SLAMF6: variants seen among roughly 807,000 people sequenced by gnomAD.
SLAMF6 encodes the protein NK-T-B-antigen.
In SLAMF6, 21 loss-of-function variants were observed where a neutral mutation model predicts 38.3. That is an observed-to-expected ratio of 0.55 (90% CI 0.39 to 0.79). The LOEUF (loss-of-function observed/expected upper bound fraction) is 0.79. SLAMF6 is among the 30% of genes least tolerant of loss of function. The pLI is 0.00. For synonymous variants in SLAMF6, 152 were observed against 146.3 expected (o/e 1.04, Z -0.28); for missense variants, 341 against 385.3 (o/e 0.89, Z 0.96).
intron 1 of SLAMF6, among the ~76,000 whole-genome samples, chr1:160,510,933 C>T (rs971991812): frequency 1.3e-5 from 2 of 152,144 alleles, no homozygotes; most frequent in Admixed American, 6.5e-5. Context: ...TGTTCCTACA[C>T]ACTAGCAATG....
At chr1:160,501,276 GAGCCTGACAGGTAA>G (rs1207144601) in intron 1 of SLAMF6, among the ~76,000 whole-genome samples, 1 of 152,160 alleles carries the variant, frequency 6.6e-6, no homozygotes, top group Non-Finnish European at 1.5e-5. Flanking sequence ...TCTGATAGAG[GAGCCTGACAGGTAA>G]ATGAGTAGTT....
At chr1:160,491,999 A>C (rs779410024) in intron 2 of SLAMF6, among the ~76,000 whole-genome samples, 9 of 152,154 alleles carry the variant, frequency 5.9e-5, no homozygotes, top group South Asian at 2.1e-4. Context: ...AGAACCAAAG[A>C]AGTGGGGAAG....
chr1:160,490,520 ACT>A, intron 4 of SLAMF6, 53 bp downstream of exon 4: 1 of 1,588,644 alleles, frequency 6.3e-7, no homozygotes, highest in South Asian at 1.2e-5. Context: ...GAGGCCCCAA[ACT>A]CTCAATCACT....
chr1:160,504,473 C>T (rs1654077153), intron 1 of SLAMF6, among the ~76,000 whole-genome samples: 1 of 152,130 alleles, frequency 6.6e-6, no homozygotes, highest in Non-Finnish European at 1.5e-5. Flanking sequence ...TGATAGCAGT[C>T]TTGAAGACAG....
At chr1:160,511,875 G>A (rs1239254522) in intron 1 of SLAMF6, among the ~76,000 whole-genome samples, 2 of 152,148 alleles carry the variant, frequency 1.3e-5, no homozygotes, top group Non-Finnish European at 2.9e-5. Flanking sequence ...AAAACAGGGT[G>A]GAACAACAGC....
intron 2 of SLAMF6, among the ~76,000 whole-genome samples, chr1:160,492,712 C>T (rs1318562123): frequency 6.6e-6 from 1 of 152,108 alleles, no homozygotes; most frequent in Non-Finnish European, 1.5e-5. Context: ...TTTTTCTCTC[C>T]CAAACCTTCT....
chr1:160,507,685 A>G (rs1270619930), intron 1 of SLAMF6, among the ~76,000 whole-genome samples: 2 of 152,164 alleles, frequency 1.3e-5, no homozygotes, highest in African/African-American at 4.8e-5. Context: ...TAAATATATG[A>G]TGTCTTCTAT....
At chr1:160,516,391 A>T (rs1461546129) in intron 1 of SLAMF6, among the ~76,000 whole-genome samples, 1 of 152,240 alleles carries the variant, frequency 6.6e-6, no homozygotes, top group Non-Finnish European at 1.5e-5. Flanking sequence ...GTGCTCATGG[A>T]TAGGAAGAAT....
intron 1 of SLAMF6, among the ~76,000 whole-genome samples, chr1:160,520,495 A>G (rs1268736800): frequency 6.6e-6 from 1 of 152,204 alleles, no homozygotes; most frequent in Non-Finnish European, 1.5e-5. Flanking sequence ...CAGCATTTTA[A>G]TAAGATTCCC....
intron 6 of SLAMF6, among the ~76,000 whole-genome samples, chr1:160,488,533 G>A (rs1175428954): frequency 1.3e-5 from 2 of 152,124 alleles, no homozygotes; most frequent in African/African-American, 4.8e-5. Flanking sequence ...ATGAGTTGCT[G>A]ATGCTTGACC....
At chr1:160,493,201 C>G (rs1036960551) in intron 2 of SLAMF6, among the ~76,000 whole-genome samples, 2 of 152,138 alleles carry the variant, frequency 1.3e-5, no homozygotes, top group African/African-American at 4.8e-5. Flanking sequence ...TGCTCCTGGA[C>G]GTTTGGCCTC....
chr1:160,498,525 C>T (rs1329638050), intron 1 of SLAMF6, among the ~76,000 whole-genome samples: 1 of 152,088 alleles, frequency 6.6e-6, no homozygotes, highest in Non-Finnish European at 1.5e-5. Context: ...GGGGAACTCC[C>T]CTTTATAAAA....
At chr1:160,514,953 A>C (rs541165006) in intron 1 of SLAMF6, among the ~76,000 whole-genome samples, 2 of 152,218 alleles carry the variant, frequency 1.3e-5, no homozygotes, top group African/African-American at 4.8e-5. Flanking sequence ...GAACTGGAGA[A>C]CCAAGAGCAA....
chr1:160,495,335 G>C (rs1208567445), intron 2 of SLAMF6, among the ~76,000 whole-genome samples: 1 of 152,172 alleles, frequency 6.6e-6, no homozygotes, highest in African/African-American at 2.4e-5. Flanking sequence ...CTGATTGCTA[G>C]AGAGGTATTT....
intron 1 of SLAMF6, among the ~76,000 whole-genome samples, chr1:160,521,881 A>T (rs2102075775): frequency 6.6e-6 from 1 of 151,792 alleles, no homozygotes; most frequent in Non-Finnish European, 1.5e-5. Flanking sequence ...TTCTTGATTT[A>T]TTTCTTCCTA....
intron 1 of SLAMF6, among the ~76,000 whole-genome samples, chr1:160,514,709 A>C (rs1028590741): frequency 2.0e-5 from 3 of 152,200 alleles, no homozygotes; most frequent in Non-Finnish European, 4.4e-5. Context: ...ACTCACTCAA[A>C]ATCACATAGC....
intron 1 of SLAMF6, among the ~76,000 whole-genome samples, chr1:160,503,387 G>C (rs549343337): frequency 1.3e-5 from 2 of 151,924 alleles, no homozygotes; most frequent in African/African-American, 4.8e-5. Context: ...TGGCTGGTGC[G>C]AAAGTGATTG....
intron 6 of SLAMF6, among the ~76,000 whole-genome samples, chr1:160,488,321 T>C (rs1272667440): frequency 2.0e-5 from 3 of 152,120 alleles, no homozygotes; most frequent in Non-Finnish European, 4.4e-5. Flanking sequence ...CTTCCTGTCA[T>C]CAAGGATCAT....
At chr1:160,521,221 C>T (rs1654968863) in intron 1 of SLAMF6, among the ~76,000 whole-genome samples, 1 of 152,162 alleles carries the variant, frequency 6.6e-6, no homozygotes, top group Non-Finnish European at 1.5e-5. Flanking sequence ...CCTCCTGGGT[C>T]TCAGAACACC....
Sources: gnomAD v4.1 joint callset for allele counts (sites outside exome capture counted in the v4.1 genomes callset) on GRCh38, gnomAD v4.1.1 for gene constraint, MANE v1.5 for transcripts, NCBI Gene and HGNC (gene_info 2026-07-23, HGNC 2026-07-21) for gene names.